The following DOK4 variants were observed in gnomAD, a reference collection of about 807,000 sequenced individuals.
DOK4 encodes the protein docking protein 4.
A neutral mutation model predicts 40.1 loss-of-function variants in DOK4; 26 were observed. That is an observed-to-expected ratio of 0.65 (90% CI 0.48 to 0.90). The LOEUF (loss-of-function observed/expected upper bound fraction) is 0.90, where lower values mean the gene tolerates loss of function less well. Among genes scored for constraint, DOK4 ranks in the 40% least tolerant of loss-of-function variants. The pLI is 0.00. For missense variants in DOK4, 392 were observed against 437.2 expected (o/e 0.90, Z 0.92); for synonymous variants, 179 against 177.0 (o/e 1.01, Z -0.09).
At chr16:57,476,895 T>C (rs1024470692) in intron 2 of DOK4, among the ~76,000 whole-genome samples, 10 of 152,178 alleles carry the variant, frequency 6.6e-5, no homozygotes, top group Admixed American at 5.2e-4. Context: ...CATTCATGGG[T>C]GGTGGAGAGG....
chr16:57,475,058 C>G, intron 5 of DOK4, 42 bp downstream of exon 5: 1 of 1,605,200 alleles, frequency 6.2e-7, no homozygotes, highest in Non-Finnish European at 8.5e-7. Flanking sequence ...TCCTCTCTTC[C>G]TCCTCCCCCT....
chr16:57,472,148 T>C (rs2030878669), exon 9 of DOK4: 1 of 152,550 alleles, frequency 6.6e-6, no homozygotes, highest in African/African-American at 2.4e-5. Flanking sequence ...AGAGCGAGGC[T>C]GACTGCACCA....
chr16:57,473,897 T>A lies in DOK4; in HGVS notation c.738+4A>T. 5 of 1,319,562 alleles carry A rather than the reference T, an allele frequency of 3.8e-6. No individual in the cohort carries two copies. The highest frequency in any genetic ancestry group is 5.3e-6 in the Non-Finnish European group (5 of 938,904). 81.7% of individuals were successfully genotyped at this position (1,319,562 alleles called of 1,614,324 possible). Reference sequence around the variant, plus strand: ...GTACCCTGGACTGATGCCCGCTGCCTCACCCTCACGTTCTTCTCCATTTCC... The same window carrying A: ...GTACCCTGGACTGATGCCCGCTGCCACACCCTCACGTTCTTCTCCATTTCC... On this transcript the variant is annotated splice_donor_region_variant and intron_variant, in intron 7 of 8. Coordinates refer to ENST00000340099, the Ensembl canonical transcript of DOK4.
At chr16:57,476,186 T>G in intron 2 of DOK4, 1 of 548,648 alleles carries the variant, frequency 1.8e-6, no homozygotes, top group South Asian at 2.0e-5. Flanking sequence ...TCCAAAACGC[T>G]GTTCCACAAA....
exon 7 of DOK4, chr16:57,473,921 C>T: frequency 6.6e-7 from 1 of 1,517,768 alleles, no homozygotes; most frequent in Admixed American, 1.8e-5. Context: ...TTCTCCATTT[C>T]CAGCAGGACC....
Position 57,475,233 on chromosome 16 carries a change from T to C in DOK4, c.290-14A>G, listed in dbSNP as rs2031095209. On this transcript the variant is annotated splice_polypyrimidine_tract_variant and intron_variant, in intron 4 of 8. Coordinates refer to ENST00000340099, the Ensembl canonical transcript of DOK4. ...CTGCCTCTAGCTCTGAAGAAAATGC[T>C]ACTTCATCATGCAGCTCCAGAGCCC... The C allele has an allele frequency of 6.2e-7, 1 of 1,609,732 alleles. No homozygotes were observed. The highest frequency in any genetic ancestry group is 8.5e-7 in the Non-Finnish European group (1 of 1,177,938).
At position 57,473,859 on chromosome 16, in the gene DOK4, C is replaced by T. The variant is rs1241582570; in HGVS notation, c.738+42G>A. ...ACTTGGCCCTGCCTGCCCGCCCGTT[C>T]CCCCCTCCCCCCGTACCCTGGACTG... On this transcript the variant is annotated intron_variant, in intron 7 of 8. Coordinates refer to ENST00000340099, the Ensembl canonical transcript of DOK4. 5.2e-6 allele frequency: 8 copies of T among 1,529,122 alleles called. No individual in the cohort carries two copies. The Admixed American group carries it at 5.5e-5, about 10-fold the overall frequency. The allele number at this position is 1,529,122 out of a possible 1,614,324, so 94.7% of individuals were successfully genotyped here. A position where few individuals can be genotyped will look rare whatever the true frequency, so the allele number is the denominator to read the frequency against.
At position 57,473,840 on chromosome 16, in the gene DOK4, C is replaced by T. The variant is rs1598048498; in HGVS notation, c.738+61G>A. ...TCCACTGTGTACCCCAGGCACTTGG[C>T]CCTGCCTGCCCGCCCGTTCCCCCCT... On this transcript the variant is annotated intron_variant, in intron 7 of 8. Coordinates refer to ENST00000340099, the Ensembl canonical transcript of DOK4. 9.4e-6 allele frequency: 15 copies of T among 1,598,456 alleles called. No homozygotes were observed. In the East Asian group the frequency reaches 2.9e-4, roughly 31 times the overall value.
chr16:57,487,102 C>T (rs1274481715), upstream of DOK4: 3 of 152,400 alleles, frequency 2.0e-5, no homozygotes, highest in Non-Finnish European at 4.4e-5. Flanking sequence ...TCACCTCTGC[C>T]CTTCGGGCCT....
intron 6 of DOK4, 113 bp from the exon 7 acceptor site, chr16:57,474,152 A>T (rs550090513): frequency 4.6e-5 from 68 of 1,469,266 alleles, no homozygotes; most frequent in Admixed American, 4.4e-4. Context: ...CCGGGAGGAC[A>T]GGTAGGGCTG....
Position 57,473,252 on chromosome 16 carries a change from G to T in DOK4, c.*125C>A, listed in dbSNP as rs1567586330. 2.9e-6 allele frequency: 4 copies of T among 1,395,118 alleles called. No homozygotes were observed. The African/African-American group carries it at 4.3e-5, about 15-fold the overall frequency. The allele number at this position is 1,395,118 out of a possible 1,614,324, so 86.4% of individuals were successfully genotyped here. A position where few individuals can be genotyped will look rare whatever the true frequency, so the allele number is the denominator to read the frequency against. On this transcript the variant is annotated 3_prime_UTR_variant, in exon 9 of 9. Coordinates refer to ENST00000340099, the Ensembl canonical transcript of DOK4. ...CCAGCCTCATCCTTGGGGGCAAGGA[G>T]GGGGCAGCTTGCTCCCTTTCTCCAG...
chr16:57,474,445 AC>A (rs1567587657), intron 6 of DOK4, among the ~76,000 whole-genome samples: 2 of 111,004 alleles, frequency 1.8e-5, no homozygotes, highest in Non-Finnish European at 4.6e-5. Flanking sequence ...GTGAGGGGAT[AC>A]CCAGTCTTCA....
chr16:57,473,651 G>C, exon 8 of DOK4: 5 of 1,614,280 alleles, frequency 3.1e-6, no homozygotes, highest in East Asian at 2.2e-5. Flanking sequence ...CTGGGAACCA[G>C]TGATGTGGTG....
At chr16:57,481,175 C>T (rs2031396822) in intron 1 of DOK4, among the ~76,000 whole-genome samples, 1 of 152,192 alleles carries the variant, frequency 6.6e-6, no homozygotes. Context: ...GGAGGCCTGT[C>T]TGTTGAGTGC....
intron 1 of DOK4, chr16:57,481,580 A>G (rs755565145): frequency 6.6e-6 from 1 of 152,240 alleles, no homozygotes; most frequent in Non-Finnish European, 1.5e-5. Flanking sequence ...CAAGATGATT[A>G]GCAGGCTGAC....
intron 4 of DOK4, 80 bp from the exon 5 acceptor site, chr16:57,475,299 T>C (rs1384415571): frequency 3.8e-5 from 59 of 1,564,482 alleles, no homozygotes; most frequent in Non-Finnish European, 4.8e-5. Flanking sequence ...TATGCCACCA[T>C]GCACAGCAGG....
At chr16:57,478,728 A>G (rs2031295112) in intron 2 of DOK4, 1 of 152,724 alleles carries the variant, frequency 6.5e-6, no homozygotes, top group African/African-American at 2.4e-5. Context: ...CCAAGCCCCC[A>G]GTTCAGGGCC....
chr16:57,475,173 C>A (rs776196997), exon 5 of DOK4: 13 of 1,614,032 alleles, frequency 8.1e-6, no homozygotes, highest in Non-Finnish European at 1.1e-5. Context: ...GGCGGGACCC[C>A]AGACACTCCA....
chr16:57,482,223 G>A (rs1250526442), intron 1 of DOK4, among the ~76,000 whole-genome samples: 1 of 151,894 alleles, frequency 6.6e-6, no homozygotes, highest in Non-Finnish European at 1.5e-5. Context: ...GTGCAGGGGT[G>A]CCATCACGGC....
Sources: allele counts gnomAD v4.1 joint callset (sites outside exome capture counted in the v4.1 genomes callset), GRCh38; gene constraint gnomAD v4.1.1; transcripts MANE v1.5; gene names NCBI Gene and HGNC (gene_info 2026-07-23, HGNC 2026-07-21).